RNLS: variants seen among roughly 807,000 people sequenced by gnomAD.
The protein encoded by RNLS is renalase.
A neutral mutation model predicts 39.8 loss-of-function variants in RNLS; 39 were observed. The observed-to-expected ratio is 0.98, with a 90% CI of 0.76 to 1.28. The LOEUF (loss-of-function observed/expected upper bound fraction) is 1.28. Among genes scored for constraint, RNLS ranks in the 50% most tolerant of loss-of-function variants. The pLI is 0.00. For synonymous variants in RNLS, 147 were observed against 150.7 expected, an observed-to-expected ratio of 0.98 and a Z score of 0.18; for missense variants, 410 against 413.3, an observed-to-expected ratio of 0.99 and a Z score of 0.07.
intron 6 of RNLS, among the ~76,000 whole-genome samples, chr10:88,292,503 T>A (rs1033863406): frequency 6.6e-6 from 1 of 151,216 alleles, no homozygotes; most frequent in African/African-American, 2.4e-5. Context: ...AAAATATAAA[T>A]GAGTTTGAAA....
the RNLS span, among the ~76,000 whole-genome samples, chr10:88,176,287 G>T: frequency 1.3e-5 from 2 of 151,896 alleles, 1 homozygote; most frequent in Admixed American, 1.3e-4. Flanking sequence ...AGATTCCCCT[G>T]CCTCAGCCTC....
chr10:88,315,463 A>G (rs1439754941), intron 5 of RNLS, among the ~76,000 whole-genome samples: 1 of 152,234 alleles, frequency 6.6e-6, no homozygotes, highest in African/African-American at 2.4e-5. Flanking sequence ...TGAATCATGC[A>G]GAAGAGAAAG....
At chr10:88,450,304 G>A (rs562238716) in intron 4 of RNLS, among the ~76,000 whole-genome samples, 4 of 152,202 alleles carry the variant, frequency 2.6e-5, no homozygotes, top group Non-Finnish European at 5.9e-5. Context: ...TATCAGATAA[G>A]TTGAGATAGG....
At chr10:88,322,794 T>C (rs535297969) in intron 5 of RNLS, among the ~76,000 whole-genome samples, 2 of 152,160 alleles carry the variant, frequency 1.3e-5, no homozygotes, top group Non-Finnish European at 2.9e-5. Flanking sequence ...AGCAATTAGG[T>C]GTGAAGAAGA....
chr10:88,486,244 G>A (rs933016532), intron 4 of RNLS, among the ~76,000 whole-genome samples: 3 of 151,980 alleles, frequency 2.0e-5, no homozygotes, highest in African/African-American at 7.2e-5. Context: ...AGACTTAAAT[G>A]TAAAACCTAA....
intron 4 of RNLS, among the ~76,000 whole-genome samples, chr10:88,493,859 G>A (rs1396268074): frequency 1.3e-5 from 2 of 152,106 alleles, no homozygotes; most frequent in Non-Finnish European, 2.9e-5. Flanking sequence ...CACTGCTGAC[G>A]ACTGGGTTAT....
At chr10:88,177,667 G>A in the RNLS span, among the ~76,000 whole-genome samples, 1 of 152,034 alleles carries the variant, frequency 6.6e-6, no homozygotes, top group Admixed American at 6.6e-5. Context: ...TATTTCTTGT[G>A]TCCTTATGTT....
At chr10:88,549,695 C>T (rs537397259) in intron 4 of RNLS, among the ~76,000 whole-genome samples, 4 of 152,206 alleles carry the variant, frequency 2.6e-5, no homozygotes, top group Admixed American at 6.5e-5. Context: ...GTATTACAGC[C>T]GACTGATCAG....
chr10:88,400,154 A>G (rs1374411487), intron 4 of RNLS, among the ~76,000 whole-genome samples: 1 of 152,046 alleles, frequency 6.6e-6, no homozygotes, highest in Non-Finnish European at 1.5e-5. Context: ...CACATCTATA[A>G]AGACCTTTCC....
chr10:88,526,997 T>C (rs78980340), intron 4 of RNLS, among the ~76,000 whole-genome samples: 2,602 of 152,040 alleles, frequency 0.017, 41 homozygotes, highest in East Asian at 0.07. Flanking sequence ...AGTTAAGTAC[T>C]TGGGTTCTAG....
At position 88,567,359 on chromosome 10, in the gene RNLS, T is replaced by C. The variant is rs568581883; in HGVS notation, c.526+5544A>G. ...GTCTATGACACGGTGTTGCTTTAGA[T>C]GTCACTAATACAAATATTGAGAAAT... On this transcript the variant is annotated intron_variant, in intron 4 of 6. Transcript: ENST00000331772. Among the ~76,000 whole-genome samples, 17 of 152,322 alleles carry C rather than the reference T, an allele frequency of 1.1e-4. No homozygotes were observed. In the South Asian group the frequency reaches 1.2e-3, roughly 11 times the overall value.
chr10:88,452,616 A>C (rs748081404), intron 4 of RNLS, among the ~76,000 whole-genome samples: 11 of 152,146 alleles, frequency 7.2e-5, no homozygotes, highest in Non-Finnish European at 1.5e-4. Context: ...GGGCTCTGCG[A>C]CTTAGAAATC....
At chr10:88,347,595 T>G (rs1276291875) in intron 5 of RNLS, among the ~76,000 whole-genome samples, 1 of 152,048 alleles carries the variant, frequency 6.6e-6, no homozygotes, top group African/African-American at 2.4e-5. Flanking sequence ...GCTATCTTAA[T>G]TTAAACACCA....
intron 4 of RNLS, among the ~76,000 whole-genome samples, chr10:88,418,612 G>C (rs1268788139): frequency 2.0e-5 from 3 of 152,178 alleles, no homozygotes; most frequent in Admixed American, 6.5e-5. Context: ...TAGCTAAAAA[G>C]GCTCTCATTT....
rs1844831102 is a variant in RNLS, at chr10:88,490,814, CAAACAGGAGGG to C, written c.526+82078_526+82088del. Among the ~76,000 whole-genome samples the C allele has an allele frequency of 2.6e-5, 4 of 152,096 alleles. No individual in the cohort carries two copies. The South Asian group carries it at 8.3e-4, about 32-fold the overall frequency. On this transcript the variant is annotated intron_variant, in intron 4 of 6. Transcript: ENST00000331772. Reference sequence around the variant, plus strand: ...CTTGAGTTGTGACATACTGAAACCTCAAACAGGAGGGAAAAACAACTAAAACCCTGGGGCAT... The same window carrying C: ...CTTGAGTTGTGACATACTGAAACCTCAAAAACAACTAAAACCCTGGGGCAT...
chr10:88,568,837 T>C (rs1412836142), intron 4 of RNLS, among the ~76,000 whole-genome samples: 2 of 152,178 alleles, frequency 1.3e-5, no homozygotes, highest in Non-Finnish European at 2.9e-5. Context: ...CAGAAACAAG[T>C]AGATTTGCTA....
the RNLS span, among the ~76,000 whole-genome samples, chr10:88,213,798 T>G: frequency 1.5e-4 from 23 of 152,334 alleles, no homozygotes; most frequent in African/African-American, 5.5e-4. Context: ...TTCATTTAAC[T>G]GATCCTAGAC....
chr10:88,194,979 A>G, the RNLS span, among the ~76,000 whole-genome samples: 1 of 152,340 alleles, frequency 6.6e-6, no homozygotes, highest in East Asian at 1.9e-4. Context: ...CATGGAAAAC[A>G]AAAATCCCCA....
chr10:88,395,030 C>G (rs2133601492), intron 4 of RNLS, among the ~76,000 whole-genome samples: 1 of 151,972 alleles, frequency 6.6e-6, no homozygotes, highest in Non-Finnish European at 1.5e-5. Context: ...ACATCACACA[C>G]CGGGGACTGT....
Sources: gnomAD v4.1 joint callset for allele counts (sites outside exome capture counted in the v4.1 genomes callset) on GRCh38, gnomAD v4.1.1 for gene constraint, MANE v1.5 for transcripts, NCBI Gene and HGNC (gene_info 2026-07-23, HGNC 2026-07-21) for gene names.